The following ZNF606 variants were observed in gnomAD, a reference collection of about 807,000 sequenced individuals.
ZNF606 encodes zinc finger protein 328.
In ZNF606, 37 loss-of-function variants were observed where a neutral mutation model predicts 74.9. The ratio of observed to expected loss-of-function variants is 0.49; its 90% CI spans 0.38 to 0.65. ZNF606 has a LOEUF of 0.65. Among genes scored for constraint, ZNF606 ranks in the 30% least tolerant of loss-of-function variants. ZNF606 has a pLI of 0.00. For synonymous variants in ZNF606, 328 were observed against 312.4 expected (o/e 1.05, Z -0.53); for missense variants, 852 against 952.9 (o/e 0.89, Z 1.39).
Position 57,977,376 on chromosome 19 carries a change from T to C in ZNF606, c.*925A>G, listed in dbSNP as rs1192923339. ...AAGAAAGCCCAGCACATAAGTGTTA[T>C]ATGTATTTGTAAAACTTTTTAAAAA... On this transcript the variant is annotated 3_prime_UTR_variant, in exon 7 of 7. Transcript: ENST00000551380. 1.3e-5 allele frequency: 2 copies of C among 152,244 alleles called. No homozygotes were observed. The highest frequency in any genetic ancestry group is 2.9e-5 in the Non-Finnish European group (2 of 68,040). The allele number at this position is 152,244 out of a possible 1,614,324, so 9.4% of individuals were successfully genotyped here. A position where few individuals can be genotyped will look rare whatever the true frequency, so the allele number is the denominator to read the frequency against.
intron 3 of ZNF606, 195 bp downstream of exon 3, chr19:58,000,488 G>A (rs1443031857): frequency 5.9e-6 from 4 of 672,342 alleles, no homozygotes; most frequent in South Asian, 1.6e-5. Flanking sequence ...GCCTCCCAAA[G>A]TGCTGTAGGC....
rs750224340 is a variant in ZNF606, at chr19:57,979,661, A to G, written c.1019T>C (p.Val340Ala). ...PSFNEHPRLH[V>A]GENQYNYKEY... is the part of the protein sequence containing the mutation. ...TTTGTAATTATACTGGTTTTCTCCA[A>G]CATGAAGCCTTGGGTGTTCATTAAA... The change falls in exon 7 of 7, where the codon GTT (valine) becomes GCT (alanine). Residue 340 changes from valine to alanine, a missense_variant. Transcript: ENST00000551380. 1.6e-5 allele frequency: 26 copies of G among 1,613,664 alleles called. No homozygotes were observed. In the South Asian group the frequency reaches 2.7e-4, roughly 17 times the overall value.
intron 4 of ZNF606, among the ~76,000 whole-genome samples, chr19:57,996,213 G>A (rs531873603): frequency 6.6e-6 from 1 of 152,218 alleles, no homozygotes; most frequent in African/African-American, 2.4e-5. Flanking sequence ...CTCAAGGATG[G>A]TAAGGGGACT....
At chr19:57,993,342 G>A (rs1403334389) in intron 4 of ZNF606, among the ~76,000 whole-genome samples, 1 of 151,958 alleles carries the variant, frequency 6.6e-6, no homozygotes, top group Non-Finnish European at 1.5e-5. Flanking sequence ...ATAAACAGTT[G>A]GCTTTTTTTT....
chr19:57,993,547 AG>A (rs780734574), intron 4 of ZNF606, among the ~76,000 whole-genome samples: 78 of 152,176 alleles, frequency 5.1e-4, no homozygotes, highest in Non-Finnish European at 9.0e-4. Context: ...ACTCTGGGAG[AG>A]GCAGGAGTGA....
At chr19:57,988,426 C>T (rs1029517666) in intron 5 of ZNF606, 124 bp from the exon 6 acceptor site, 5 of 1,371,294 alleles carry the variant, frequency 3.6e-6, no homozygotes, top group African/African-American at 1.4e-5. Context: ...GTCCTTCCCA[C>T]TCCATGCTCT....
Position 57,989,128 on chromosome 19 carries a change from G to A in ZNF606, c.178-407C>T, listed in dbSNP as rs112294702. Among the ~76,000 whole-genome samples the A allele has an allele frequency of 9.1e-3, 1,389 of 152,184 alleles. 25 individuals carry two copies. Among genetic ancestry groups the A allele is most frequent in the African/African-American group, 0.031 (1,304 of 41,520 alleles). On this transcript the variant is annotated intron_variant, in intron 4 of 6. Transcript: ENST00000551380. The stretch of plus-strand genomic sequence containing the variant: ...ACCTTGAGGATGGAGTCTTTGCTCC[G>A]ACACCCAGATAAAGGACCTGAAAGG...
At chr19:57,995,461 A>G (rs999805606) in intron 4 of ZNF606, among the ~76,000 whole-genome samples, 3 of 152,144 alleles carry the variant, frequency 2.0e-5, no homozygotes, top group African/African-American at 7.2e-5. Context: ...ATCTATCAAC[A>G]TGGATGGACC....
intron 4 of ZNF606, among the ~76,000 whole-genome samples, chr19:57,995,346 A>G (rs1254079905): frequency 2.6e-5 from 4 of 152,182 alleles, no homozygotes; most frequent in African/African-American, 9.6e-5. Context: ...AATGGGGGAA[A>G]GAGGAACTTA....
intron 1 of ZNF606, 90 bp from the exon 2 acceptor site, chr19:58,001,460 C>CA (rs1233490241): frequency 4.1e-6 from 4 of 984,114 alleles, no homozygotes; most frequent in African/African-American, 3.3e-5. Flanking sequence ...ACCGAAGCAA[C>CA]AAAAAAACTT....
chr19:57,991,923 C>A (rs1216063562), intron 4 of ZNF606, among the ~76,000 whole-genome samples: 1 of 152,126 alleles, frequency 6.6e-6, no homozygotes, highest in Non-Finnish European at 1.5e-5. Flanking sequence ...GTGCCTCTGA[C>A]CCTGTGCTTG....
At position 57,993,005 on chromosome 19, in the gene ZNF606, G is replaced by A. The variant is rs548120505; in HGVS notation, c.178-4284C>T. Among the ~76,000 whole-genome samples, 7 of 152,322 alleles carry A rather than the reference G, an allele frequency of 4.6e-5. No homozygotes were observed. In the South Asian group the frequency reaches 1.5e-3, roughly 32 times the overall value. ...TACCCTGGATTATCCAGGTGGCCCA[G>A]TGTAATCACCAAAGTCCTTATCAGT... On this transcript the variant is annotated intron_variant, in intron 4 of 6. Transcript: ENST00000551380.
chr19:57,999,740 C>A (rs753325033), intron 4 of ZNF606, 68 bp downstream of exon 4: 2 of 1,479,578 alleles, frequency 1.4e-6, no homozygotes, highest in Admixed American at 1.7e-5. Context: ...ACTGGAGAGC[C>A]GCATCAACTG....
chr19:57,990,084 C>T (rs1445387286), intron 4 of ZNF606, among the ~76,000 whole-genome samples: 2 of 123,448 alleles, frequency 1.6e-5, no homozygotes, highest in South Asian at 5.0e-4. Flanking sequence ...AAAAAAGAGC[C>T]GGGCGCAGTG....
Position 57,978,061 on chromosome 19 carries a change from G to T in ZNF606, c.*240C>A. 1 of 359,048 alleles carries T rather than the reference G, an allele frequency of 2.8e-6. No homozygotes were observed. The highest frequency in any genetic ancestry group is 6.6e-5 in the South Asian group (1 of 15,070). The allele number at this position is 359,048 out of a possible 1,614,324, so 22.2% of individuals were successfully genotyped here. ...GTATGAATTACTGGTAGACCATAAG[G>T]GGAGTTTAGAGTTTCCTTCATTGTT... On this transcript the variant is annotated 3_prime_UTR_variant, in exon 7 of 7. Coordinates refer to ENST00000551380, the MANE Select transcript of ZNF606 (RefSeq NM_001348022.3). The surrounding 1 kb of genome is among the most constrained non-coding windows in gnomAD (Gnocchi z 4.4).
intron 2 of ZNF606, 56 bp from the exon 3 acceptor site, chr19:58,000,795 CA>C: frequency 6.8e-7 from 1 of 1,479,216 alleles, no homozygotes; most frequent in Non-Finnish European, 9.1e-7. Context: ...TTCAAGGCGA[CA>C]AAATACAAGA....
chr19:57,995,558 T>C (rs1432392864), intron 4 of ZNF606, among the ~76,000 whole-genome samples: 1 of 152,204 alleles, frequency 6.6e-6, no homozygotes, highest in Non-Finnish European at 1.5e-5. Context: ...CTGGGTGCAG[T>C]GGCTCACACC....
At chr19:57,988,063 A>G (rs1008143570) in intron 6 of ZNF606, 144 bp downstream of exon 6, 7 of 621,810 alleles carry the variant, frequency 1.1e-5, no homozygotes, top group African/African-American at 9.2e-5. Flanking sequence ...TCTTTGCTCT[A>G]AATCAAAAGC....
chr19:57,983,574 G>A (rs1178905872), intron 6 of ZNF606, among the ~76,000 whole-genome samples: 4 of 144,348 alleles, frequency 2.8e-5, no homozygotes, highest in African/African-American at 7.8e-5. Flanking sequence ...GCAAAACTCC[G>A]TCTCAAAAAA....
Sources: allele counts gnomAD v4.1 joint callset (sites outside exome capture counted in the v4.1 genomes callset), GRCh38; gene constraint gnomAD v4.1.1; non-coding constraint Gnocchi (gnomAD v3.1); transcripts MANE v1.5; gene names NCBI Gene and HGNC (gene_info 2026-07-23, HGNC 2026-07-21).